The following FAAH2 variants were observed in gnomAD, a reference collection of about 807,000 sequenced individuals.
FAAH2 encodes fatty-acid amide hydrolase 2.
In FAAH2, 60 loss-of-function variants were observed where a neutral mutation model predicts 36.9. That is an observed-to-expected ratio of 1.63 (90% CI 1.32 to 2.02). The LOEUF (loss-of-function observed/expected upper bound fraction) is 2.02. Ranked by LOEUF, FAAH2 falls within the 30% of genes most tolerant of loss-of-function variation. The pLI, the probability that FAAH2 is intolerant of heterozygous loss-of-function variation, is 0.00. For synonymous variants in FAAH2, 214 were observed against 143.8 expected, an observed-to-expected ratio of 1.49 and a Z score of -3.49; for missense variants, 689 against 397.5, an observed-to-expected ratio of 1.73 and a Z score of -6.23.
the FAAH2 span, among the ~76,000 whole-genome samples, chrX:57,211,483 C>G: frequency 1.9e-4 from 21 of 111,733 alleles, no homozygotes; most frequent in Admixed American, 7.6e-4. Flanking sequence ...AACCAGGACC[C>G]CTGGGAGTTT....
At chrX:57,164,210 G>T in the FAAH2 span, among the ~76,000 whole-genome samples, 1 of 112,245 alleles carries the variant, frequency 8.9e-6, no homozygotes, top group African/African-American at 3.2e-5. Flanking sequence ...GACATACTGT[G>T]GGTACTGCAT....
chrX:57,144,330 T>C, the FAAH2 span, among the ~76,000 whole-genome samples: 9 of 102,326 alleles, frequency 8.8e-5, no homozygotes, highest in African/African-American at 2.9e-4. Flanking sequence ...TTTAACATTC[T>C]TGTATTTGGA....
the FAAH2 span, among the ~76,000 whole-genome samples, chrX:57,134,065 G>C: frequency 9.0e-6 from 1 of 111,086 alleles, no homozygotes; most frequent in Non-Finnish European, 1.9e-5. Flanking sequence ...ACTAGTGGGC[G>C]GGTTTTCAGA....
At chrX:57,410,839 C>G (rs2055679177) in intron 7 of FAAH2, among the ~76,000 whole-genome samples, 2 of 111,294 alleles carry the variant, frequency 1.8e-5, no homozygotes, top group South Asian at 3.7e-4. Context: ...TTCCTGAATT[C>G]ATTTAGTTGT....
At chrX:57,328,119 G>T (rs924783314) in intron 3 of FAAH2, among the ~76,000 whole-genome samples, 3 of 112,204 alleles carry the variant, frequency 2.7e-5, no homozygotes, top group African/African-American at 9.7e-5. Context: ...GACCCTGTTT[G>T]CCTGGGTATC....
At chrX:57,168,473 G>T in the FAAH2 span, among the ~76,000 whole-genome samples, 7 of 111,007 alleles carry the variant, frequency 6.3e-5, no homozygotes, top group Non-Finnish European at 9.4e-5. Flanking sequence ...ACTTTATATT[G>T]ATATCTTCAA....
chrX:57,277,096 A>G, the FAAH2 span, among the ~76,000 whole-genome samples: 22 of 109,909 alleles, frequency 2.0e-4, no homozygotes, highest in African/African-American at 7.3e-4. Context: ...TCAGCCTGAT[A>G]CCAAAACCTG....
intron 10 of FAAH2, among the ~76,000 whole-genome samples, chrX:57,470,382 T>G (rs758121575): frequency 9.1e-6 from 1 of 110,016 alleles, no homozygotes; most frequent in African/African-American, 3.3e-5. Context: ...AAGAGAAGAA[T>G]CAAATAGACA....
At chrX:57,317,572 C>A (rs2052880451) in intron 3 of FAAH2, among the ~76,000 whole-genome samples, 1 of 111,434 alleles carries the variant, frequency 9.0e-6, no homozygotes, top group African/African-American at 3.3e-5. Flanking sequence ...TAGTGGGAGA[C>A]TTTAACACCC....
At chrX:57,229,857 A>G in the FAAH2 span, among the ~76,000 whole-genome samples, 2 of 111,379 alleles carry the variant, frequency 1.8e-5, no homozygotes, top group African/African-American at 6.5e-5. Context: ...CCTGATATTT[A>G]CCCATTACAC....
chrX:57,230,667 C>T, the FAAH2 span, among the ~76,000 whole-genome samples: 1 of 111,455 alleles, frequency 9.0e-6, no homozygotes, highest in Non-Finnish European at 1.9e-5. Flanking sequence ...TAAACCCATC[C>T]ACTTAATTTT....
the FAAH2 span, among the ~76,000 whole-genome samples, chrX:57,200,175 CT>C: frequency 2.8e-5 from 3 of 107,303 alleles, no homozygotes; most frequent in Admixed American, 1.0e-4. Context: ...TTTTTCCTGC[CT>C]TTTTTTTAAT....
the FAAH2 span, among the ~76,000 whole-genome samples, chrX:57,239,988 G>A: frequency 4.5e-5 from 5 of 111,842 alleles, no homozygotes; most frequent in Middle Eastern, 4.2e-3. Context: ...CTGAATTTCT[G>A]TGATCTTTGT....
the FAAH2 span, among the ~76,000 whole-genome samples, chrX:57,123,028 G>C: frequency 9.0e-6 from 1 of 111,076 alleles, no homozygotes; most frequent in Non-Finnish European, 1.9e-5. Context: ...TATATTTTAA[G>C]TTCTAGGGTA....
At chrX:57,301,257 A>G (rs2052353917) in intron 2 of FAAH2, among the ~76,000 whole-genome samples, 2 of 111,349 alleles carry the variant, frequency 1.8e-5, no homozygotes, top group South Asian at 7.6e-4. Flanking sequence ...GTTGGCACAT[A>G]CACACAATGG....
chrX:57,412,207 C>T (rs746147808), intron 7 of FAAH2, among the ~76,000 whole-genome samples: 17 of 111,133 alleles, frequency 1.5e-4, no homozygotes, highest in Non-Finnish European at 2.6e-4. Flanking sequence ...AGATTTTATT[C>T]TTTCTTTTTT....
At chrX:57,301,119 C>A (rs1467343289) in intron 2 of FAAH2, among the ~76,000 whole-genome samples, 1 of 108,530 alleles carries the variant, frequency 9.2e-6, no homozygotes, top group Non-Finnish European at 1.9e-5. Context: ...TGGGTATATA[C>A]CCAAAGGATT....
the FAAH2 span, among the ~76,000 whole-genome samples, chrX:57,248,438 A>G: frequency 9.0e-6 from 1 of 111,709 alleles, no homozygotes; most frequent in Non-Finnish European, 1.9e-5. Flanking sequence ...TAGATAAAGA[A>G]TAGCAATTTT....
chrX:57,324,830 T>A (rs1421961559), intron 3 of FAAH2, among the ~76,000 whole-genome samples: 4 of 112,119 alleles, frequency 3.6e-5, no homozygotes, highest in Non-Finnish European at 1.9e-5. Context: ...ATACCCTTTA[T>A]TTCCTTCTCC....
Sources: gnomAD v4.1 joint callset for allele counts (sites outside exome capture counted in the v4.1 genomes callset) on GRCh38, gnomAD v4.1.1 for gene constraint, MANE v1.5 for transcripts, NCBI Gene and HGNC (gene_info 2026-07-23, HGNC 2026-07-21) for gene names.